TBK1: variants seen among roughly 807,000 people sequenced by gnomAD.
TBK1 encodes the protein serine/threonine-protein kinase TBK1.
Under a neutral mutation model 99.9 loss-of-function variants are expected in TBK1, and 37 were observed. The observed-to-expected ratio is 0.37, with a 90% CI of 0.28 to 0.49. The LOEUF (loss-of-function observed/expected upper bound fraction) is 0.49. Ranked by LOEUF, TBK1 falls within the 20% of genes least tolerant of loss-of-function variation. The pLI is 0.98. For missense variants in TBK1, 644 were observed against 872.5 expected (o/e 0.74, Z 3.30); for synonymous variants, 258 against 279.8 (o/e 0.92, Z 0.78).
chr12:64,495,918 G>C, intron 15 of TBK1, 143 bp downstream of exon 15: 1 of 460,864 alleles, frequency 2.2e-6, no homozygotes. Context: ...GAAAAAGGTT[G>C]ATTGTGTTAA....
At chr12:64,473,288 A>G (rs2040679407) in intron 5 of TBK1, among the ~76,000 whole-genome samples, 1 of 152,200 alleles carries the variant, frequency 6.6e-6, no homozygotes, top group Non-Finnish European at 1.5e-5. Context: ...TATTTAATAC[A>G]TTAGGTCTGA....
chr12:64,455,786 T>TCAG (rs2040480516), intron 1 of TBK1, 54 bp from the exon 2 acceptor site: 1 of 883,042 alleles, frequency 1.1e-6, no homozygotes. Context: ...AACATTTGTT[T>TCAG]CTTAGCTGTG....
intron 5 of TBK1, among the ~76,000 whole-genome samples, chr12:64,469,763 TTC>T (rs2040643191): frequency 1.3e-5 from 2 of 151,774 alleles, no homozygotes; most frequent in African/African-American, 4.8e-5. Flanking sequence ...AAAATTCAAT[TTC>T]TCTCTTTCTC....
chr12:64,467,625 T>C (rs2040620330), intron 5 of TBK1, among the ~76,000 whole-genome samples: 1 of 152,150 alleles, frequency 6.6e-6, no homozygotes, highest in Non-Finnish European at 1.5e-5. Flanking sequence ...TACTTAAAAG[T>C]AAATACTTTT....
intron 13 of TBK1, among the ~76,000 whole-genome samples, chr12:64,491,494 A>G (rs2040869322): frequency 1.3e-5 from 2 of 152,046 alleles, no homozygotes; most frequent in East Asian, 3.9e-4. Flanking sequence ...ATGGTGGTGC[A>G]TGCCTGTGGT....
chr12:64,471,099 A>G (rs981946969), intron 5 of TBK1, among the ~76,000 whole-genome samples: 23 of 152,112 alleles, frequency 1.5e-4, no homozygotes, highest in Admixed American at 1.5e-3. Flanking sequence ...AGGAACTACA[A>G]CCCATATGTT....
Position 64,464,320 on chromosome 12 carries a change from A to AT in TBK1, c.229-4dup, listed in dbSNP as rs57810028. On this transcript the variant is annotated splice_polypyrimidine_tract_variant and intron_variant, in intron 3 of 20. Coordinates refer to ENST00000331710, the MANE Select transcript of TBK1 (RefSeq NM_013254.4). Reference sequence around the variant, plus strand: ...TTTTTATGTTGATTCCCAATCAATGATTTTTTTTTTCAGACAACAACAAGA... The same window carrying AT: ...TTTTTATGTTGATTCCCAATCAATGATTTTTTTTTTTCAGACAACAACAAGA... 0.8 allele frequency: 967,180 copies of AT among 1,208,146 alleles called. 369,857 individuals are homozygous for AT. Among genetic ancestry groups the AT allele is most frequent in the Admixed American group, 0.86 (33,651 of 38,990 alleles). 74.8% of individuals were successfully genotyped at this position (1,208,146 alleles called of 1,614,324 possible). A position where few individuals can be genotyped will look rare whatever the true frequency, so the allele number is the denominator to read the frequency against.
intron 3 of TBK1, among the ~76,000 whole-genome samples, chr12:64,463,861 T>G (rs1250577065): frequency 1.6e-5 from 2 of 123,158 alleles, no homozygotes; most frequent in Admixed American, 8.8e-5. Flanking sequence ...ATGTTAGTTT[T>G]TTTTTTTTGT....
chr12:64,497,549 T>G (rs2040941647), intron 18 of TBK1, 99 bp from the exon 19 acceptor site: 1 of 784,202 alleles, frequency 1.3e-6, no homozygotes, highest in Non-Finnish European at 2.0e-6. Context: ...AAAGGACTTA[T>G]TAAAAGCTGT....
chr12:64,460,402 G>A (rs1439206269), intron 3 of TBK1, 73 bp downstream of exon 3: 1 of 1,243,240 alleles, frequency 8.0e-7, no homozygotes, highest in East Asian at 2.7e-5. Context: ...ATTAAAAAAT[G>A]GATTTTTTAA....
At chr12:64,499,076 C>T (rs542814368) in intron 20 of TBK1, among the ~76,000 whole-genome samples, 7 of 101,870 alleles carry the variant, frequency 6.9e-5, no homozygotes, top group African/African-American at 1.5e-4. Flanking sequence ...GACGGAGTTT[C>T]GCTGTTGCCC....
intron 2 of TBK1, among the ~76,000 whole-genome samples, chr12:64,457,975 G>T (rs1490855339): frequency 6.6e-6 from 1 of 152,100 alleles, no homozygotes; most frequent in Non-Finnish European, 1.5e-5. Context: ...GTCGAGCATG[G>T]TGGCTCACGC....
chr12:64,495,731 T>C lies in TBK1; in HGVS notation c.1676T>C (p.Met559Thr). Residue 559 changes from methionine to threonine, a missense_variant, in exon 15 of 21, where the codon ATG becomes ACG. Physicochemically the swap from Met to Thr is moderately conservative, Grantham distance 81. Around this residue, in one of 3 missense-constraint regions of TBK1, gnomAD observed 465 missense variants for 588.0 expected, o/e 0.79. Coordinates refer to ENST00000331710, the MANE Select transcript of TBK1 (RefSeq NM_013254.4). The stretch of plus-strand genomic sequence containing the variant: ...AAACTACAAGTCCTGTTAAATTGCA[T>C]GACAGAGATTTACTATCAGTTCAAA... Reference protein sequence around the residue: ...VEKLQVLLNCMTEIYYQFKKD... With the variant: ...VEKLQVLLNCTTEIYYQFKKD... The C allele has an allele frequency of 1.2e-6, 2 of 1,605,450 alleles. No homozygotes were observed. The highest frequency in any genetic ancestry group is 1.7e-6 in the Non-Finnish European group (2 of 1,177,148).
chr12:64,497,118 A>G, intron 17 of TBK1, 45 bp from the exon 18 acceptor site: 8 of 1,576,034 alleles, frequency 5.1e-6, no homozygotes, highest in East Asian at 2.3e-5. Flanking sequence ...TGAAGTAAGA[A>G]TGCTTCACTA....
At position 64,490,076 on chromosome 12, in the gene TBK1, C is replaced by T. The variant is rs1397636254; in HGVS notation, c.1478C>T (p.Ala493Val). The T allele has an allele frequency of 6.2e-7, 1 of 1,610,598 alleles. No homozygotes were observed. Among genetic ancestry groups the T allele is most frequent in the Non-Finnish European group, 8.5e-7 (1 of 1,178,378 alleles). Residue 493 changes from alanine (A) to valine (V), a missense_variant, in exon 13 of 21, where the codon GCA (alanine) becomes GTA (valine). This residue lies in a region of TBK1 where 465 missense variants were observed against 588.0 expected (regional missense o/e 0.79). Coordinates refer to ENST00000331710, the MANE Select transcript of TBK1 (RefSeq NM_013254.4). ...EKLMKINLEA[A>V]ELGEISDIHT... ...TTGATGAAGATCAACCTGGAAGCGG[C>T]AGAGTTAGGTGAAATTTCAGACATA...
In TBK1 at chr12:64,501,313, T is replaced by C; in HGVS notation, c.2139-17T>C. On this transcript the variant is annotated splice_polypyrimidine_tract_variant and intron_variant, in intron 20 of 20. Transcript: ENST00000331710. ...AACTTTTGAGATTACCTTTTTTTCT[T>C]TGTGTGTGTGTTTTAGGTTTGGCTC... The C allele has an allele frequency of 6.2e-7, 1 of 1,613,434 alleles. No individual in the cohort carries two copies.
Position 64,460,279 on chromosome 12 carries a change from A to G in TBK1, c.178A>G (p.Lys60Glu), listed in dbSNP as rs978933862. 3.2e-6 allele frequency: 5 copies of G among 1,583,954 alleles called. No homozygotes were observed. The highest frequency in any genetic ancestry group is 4.3e-6 in the Non-Finnish European group (5 of 1,163,952). Residue 60 changes from lysine (K) to glutamate (E), a missense_variant, in exon 3 of 21, where the codon AAA becomes GAA. Coordinates refer to ENST00000331710, the MANE Select transcript of TBK1 (RefSeq NM_013254.4). Reference protein sequence around the residue: ...DVQMREFEVLKKLNHKNIVKL... With the variant: ...DVQMREFEVLEKLNHKNIVKL... The stretch of plus-strand genomic sequence containing the variant: ...TCAAATGAGAGAATTTGAAGTGTTG[A>G]AAAAACTCAATCACAAAAATATTGT...
chr12:64,483,471 A>G (rs1490255351), intron 8 of TBK1, among the ~76,000 whole-genome samples: 1 of 152,250 alleles, frequency 6.6e-6, no homozygotes, highest in Non-Finnish European at 1.5e-5. Context: ...TAACAAACAT[A>G]TAGTCACATA....
intron 8 of TBK1, among the ~76,000 whole-genome samples, chr12:64,483,772 C>T (rs1020660159): frequency 4.6e-5 from 7 of 152,172 alleles, no homozygotes; most frequent in East Asian, 3.9e-4. Flanking sequence ...TTTGGGAGGC[C>T]GAGGCAGGTG....
Sources: gnomAD v4.1 joint callset for allele counts (sites outside exome capture counted in the v4.1 genomes callset) on GRCh38, gnomAD v4.1.1 for gene constraint, gnomAD v4.1.1 regional missense constraint, MANE v1.5 for transcripts, NCBI Gene and HGNC (gene_info 2026-07-23, HGNC 2026-07-21) for gene names.